ADGRB3: variants seen among roughly 807,000 people sequenced by gnomAD.
ADGRB3 encodes the protein brain-specific angiogenesis inhibitor 3.
In ADGRB3, 37 loss-of-function variants were observed where a neutral mutation model predicts 193.4. The observed-to-expected ratio is 0.19, with a 90% CI of 0.15 to 0.25. The LOEUF is 0.25. Among genes scored for constraint, ADGRB3 ranks in the 10% least tolerant of loss-of-function variants. The pLI, the probability that ADGRB3 is intolerant of heterozygous loss-of-function variation, is 1.00. For synonymous variants in ADGRB3, 690 were observed against 644.2 expected, an observed-to-expected ratio of 1.07 and a Z score of -1.08; for missense variants, 1,637 against 1,852.9, an observed-to-expected ratio of 0.88 and a Z score of 2.14.
chr6:69,295,105 A>G (rs1767782010), intron 20 of ADGRB3, among the ~76,000 whole-genome samples: 1 of 152,162 alleles, frequency 6.6e-6, no homozygotes, highest in South Asian at 2.1e-4. Flanking sequence ...AGGGAAGGTA[A>G]TCAACTTTAC....
At chr6:68,660,069 A>G (rs929117592) in intron 3 of ADGRB3, among the ~76,000 whole-genome samples, 1 of 151,016 alleles carries the variant, frequency 6.6e-6, no homozygotes, top group African/African-American at 2.4e-5. Context: ...GTTAATACAG[A>G]TAATTATGAT....
At chr6:68,708,899 T>A (rs1582138230) in intron 3 of ADGRB3, among the ~76,000 whole-genome samples, 1 of 152,180 alleles carries the variant, frequency 6.6e-6, no homozygotes, top group Admixed American at 6.5e-5. Context: ...GTACCTAATG[T>A]CACTTTTTTT....
At chr6:69,049,600 A>C (rs879450035) in intron 15 of ADGRB3, among the ~76,000 whole-genome samples, 10 of 152,130 alleles carry the variant, frequency 6.6e-5, no homozygotes, top group Non-Finnish European at 1.5e-4. Flanking sequence ...CTTGATACTG[A>C]AAGAAAAAAG....
chr6:68,875,608 A>G (rs1765576116), intron 3 of ADGRB3, among the ~76,000 whole-genome samples: 1 of 152,082 alleles, frequency 6.6e-6, no homozygotes. Context: ...CAGTATTACT[A>G]GGATAACGGC....
At chr6:69,013,516 T>C (rs553457722) in intron 11 of ADGRB3, among the ~76,000 whole-genome samples, 1 of 152,196 alleles carries the variant, frequency 6.6e-6, no homozygotes, top group African/African-American at 2.4e-5. Flanking sequence ...ATTTAATATT[T>C]GCAATTGGTA....
intron 17 of ADGRB3, among the ~76,000 whole-genome samples, chr6:69,101,715 GTGTGTA>G (rs2150321895): frequency 6.6e-6 from 1 of 152,018 alleles, no homozygotes; most frequent in East Asian, 1.9e-4. Context: ...GAGTGTGTGT[GTGTGTA>G]TGACATGTAA....
At chr6:69,076,417 T>G (rs930978289) in intron 17 of ADGRB3, among the ~76,000 whole-genome samples, 9 of 152,136 alleles carry the variant, frequency 5.9e-5, no homozygotes, top group Non-Finnish European at 1.0e-4. Context: ...TTAGCCAATA[T>G]ATTACTCACA....
intron 3 of ADGRB3, among the ~76,000 whole-genome samples, chr6:68,802,944 T>C (rs1218385153): frequency 6.6e-6 from 1 of 152,186 alleles, no homozygotes; most frequent in Non-Finnish European, 1.5e-5. Context: ...TTAAGGTCCT[T>C]GTCATCTACC....
At chr6:69,328,571 AT>A (rs1241321782) in intron 22 of ADGRB3, among the ~76,000 whole-genome samples, 1 of 152,168 alleles carries the variant, frequency 6.6e-6, no homozygotes, top group Non-Finnish European at 1.5e-5. Context: ...TGTGCATCTT[AT>A]TAAAAGCATA....
At chr6:69,352,007 T>C (rs1470537521) in intron 26 of ADGRB3, among the ~76,000 whole-genome samples, 2 of 152,212 alleles carry the variant, frequency 1.3e-5, no homozygotes, top group African/African-American at 4.8e-5. Flanking sequence ...TTATCTTCCT[T>C]TGTAAAATGT....
chr6:69,332,312 G>A (rs1195073947), intron 23 of ADGRB3: 1 of 985,266 alleles, frequency 1.0e-6, no homozygotes, highest in Non-Finnish European at 1.2e-6. Flanking sequence ...GTACACTAGA[G>A]CATATTTTAA....
intron 3 of ADGRB3, among the ~76,000 whole-genome samples, chr6:68,866,098 T>C (rs983625136): frequency 2.3e-5 from 3 of 131,144 alleles, no homozygotes; most frequent in African/African-American, 5.1e-5. Flanking sequence ...TAAAACTTCT[T>C]TGTGTCAGAA....
chr6:69,238,115 CAGAG>C (rs1269871596), intron 19 of ADGRB3, among the ~76,000 whole-genome samples: 4 of 151,804 alleles, frequency 2.6e-5, no homozygotes, highest in Non-Finnish European at 5.9e-5. Context: ...GACAGACAGA[CAGAG>C]AGAAGTTTGA....
chr6:68,798,836 A>G (rs1028186971), intron 3 of ADGRB3, among the ~76,000 whole-genome samples: 3 of 152,204 alleles, frequency 2.0e-5, no homozygotes, highest in Non-Finnish European at 4.4e-5. Flanking sequence ...CAGTAAAAAT[A>G]CATTGAGGGG....
At chr6:68,738,393 T>A (rs1765913312) in intron 3 of ADGRB3, among the ~76,000 whole-genome samples, 1 of 152,070 alleles carries the variant, frequency 6.6e-6, no homozygotes, top group African/African-American at 2.4e-5. Flanking sequence ...ACATACATTT[T>A]AAATGGCCCA....
intron 20 of ADGRB3, among the ~76,000 whole-genome samples, chr6:69,274,827 GAGGGTCTGTGCAGAACGGCA>G (rs1767266049): frequency 6.6e-6 from 1 of 152,076 alleles, no homozygotes. Flanking sequence ...CTTGCTGAAG[GAGGGTCTGTGCAGAACGGCA>G]ATAAAACATC....
intron 3 of ADGRB3, among the ~76,000 whole-genome samples, chr6:68,910,337 G>T (rs1490385971): frequency 2.0e-4 from 30 of 152,012 alleles, no homozygotes; most frequent in African/African-American, 6.7e-4. Flanking sequence ...TTGCAAAAAT[G>T]TTCTCCCATT....
chr6:69,148,065 G>C (rs532357485), intron 17 of ADGRB3, among the ~76,000 whole-genome samples: 4 of 152,056 alleles, frequency 2.6e-5, no homozygotes, highest in Non-Finnish European at 4.4e-5. Flanking sequence ...AGATCACTGG[G>C]TCTTGTTTTT....
intron 3 of ADGRB3, among the ~76,000 whole-genome samples, chr6:68,918,671 A>G (rs1766946408): frequency 6.6e-6 from 1 of 152,172 alleles, no homozygotes; most frequent in African/African-American, 2.4e-5. Flanking sequence ...CAGGGGTTGC[A>G]TACATTTCTG....
Sources: gnomAD v4.1 joint callset for allele counts (sites outside exome capture counted in the v4.1 genomes callset) on GRCh38, gnomAD v4.1.1 for gene constraint, MANE v1.5 for transcripts, NCBI Gene and HGNC (gene_info 2026-07-23, HGNC 2026-07-21) for gene names.